VPS54: variants seen among roughly 807,000 people sequenced by gnomAD.
The protein encoded by VPS54 is VPS54 subunit of GARP complex.
VPS54 carries 45 observed loss-of-function variants against 121.5 expected under a neutral mutation model. The observed-to-expected ratio is 0.37, with a 90% confidence interval of 0.29 to 0.47. VPS54 has a LOEUF of 0.47. VPS54 is among the 20% of genes least tolerant of loss of function. The probability of loss-of-function intolerance (pLI) is 0.99; values close to 1 mark genes in which losing one functional copy is unlikely to be tolerated. For missense variants in VPS54, 1,090 were observed against 1,131.4 expected (o/e 0.96, Z 0.52); for synonymous variants, 371 against 385.8 (o/e 0.96, Z 0.45).
At chr2:64,013,649 T>TAG (rs1491197444) in intron 1 of VPS54, among the ~76,000 whole-genome samples, 1 of 145,514 alleles carries the variant, frequency 6.9e-6, no homozygotes, top group South Asian at 2.1e-4. Context: ...TATCAATATA[T>TAG]AGATATATAT....
intron 7 of VPS54, among the ~76,000 whole-genome samples, chr2:63,949,944 T>C (rs190960994): frequency 2.0e-5 from 3 of 152,344 alleles, no homozygotes; most frequent in East Asian, 3.9e-4. Context: ...GATTGTCTAA[T>C]GTCATCTTGT....
intron 9 of VPS54, among the ~76,000 whole-genome samples, chr2:63,945,290 A>C (rs1674925450): frequency 7.2e-5 from 11 of 152,218 alleles, no homozygotes; most frequent in Admixed American, 7.2e-4. Flanking sequence ...TAACACAGAA[A>C]CTGAAAACCA....
chr2:63,950,568 T>G (rs910099529), intron 7 of VPS54, among the ~76,000 whole-genome samples: 2 of 152,180 alleles, frequency 1.3e-5, no homozygotes, highest in Non-Finnish European at 2.9e-5. Context: ...GAAAAAGGGT[T>G]CTCATCCAGG....
chr2:64,007,197 T>TA (rs1271382236), intron 1 of VPS54, among the ~76,000 whole-genome samples: 1 of 151,864 alleles, frequency 6.6e-6, no homozygotes, highest in African/African-American at 2.4e-5. Flanking sequence ...CTAAAGGGGG[T>TA]AAAAAGAATA....
At position 63,962,096 on chromosome 2, in the gene VPS54, C is replaced by G. The variant is rs775388273; in HGVS notation, c.972G>C (p.Glu324Asp). 6.3e-7 allele frequency: 1 copy of G among 1,594,744 alleles called. No homozygotes were observed. The highest frequency in any genetic ancestry group is 8.6e-7 in the Non-Finnish European group (1 of 1,164,474). The change falls in exon 7 of 23, where the codon GAG becomes GAC. Residue 324 changes from glutamate (E) to aspartate (D), a missense_variant. By Grantham distance (45) the Glu-to-Asp change is conservative. Transcript: ENST00000272322. ...TGCCCTGAAGTTCCTGCTGTAGAAC[C>G]TCTTGTGTTGTTGCTATTAAGTCCA... ...GALDLIATTQ[E>D]VLQQELQGIH...
At chr2:63,967,700 C>CAG (rs901068443) in intron 5 of VPS54, among the ~76,000 whole-genome samples, 1 of 50,812 alleles carries the variant, frequency 2.0e-5, no homozygotes, top group East Asian at 2.6e-4. Context: ...GCCTGGGCGA[C>CAG]AGAGAGAGAC....
intron 1 of VPS54, among the ~76,000 whole-genome samples, chr2:64,009,347 G>A (rs377155847): frequency 4.6e-4 from 70 of 151,860 alleles, no homozygotes; most frequent in Non-Finnish European, 7.9e-4. Context: ...ATGGAGTCTC[G>A]CTGTGTCGCC....
intron 13 of VPS54, among the ~76,000 whole-genome samples, chr2:63,920,923 T>G (rs1292142984): frequency 1.3e-5 from 2 of 152,110 alleles, no homozygotes; most frequent in Non-Finnish European, 2.9e-5. Context: ...TATATAGACT[T>G]ACTATATATG....
intron 22 of VPS54, among the ~76,000 whole-genome samples, chr2:63,893,952 G>A (rs957670074): frequency 3.9e-5 from 6 of 152,156 alleles, no homozygotes; most frequent in Admixed American, 6.5e-5. Flanking sequence ...CATCTAAGGC[G>A]TTAAATACAG....
chr2:63,896,538 G>C (rs1286848034), intron 22 of VPS54, among the ~76,000 whole-genome samples: 1 of 152,098 alleles, frequency 6.6e-6, no homozygotes, highest in African/African-American at 2.4e-5. Flanking sequence ...TATCATTCTT[G>C]CATAAAACTC....
intron 7 of VPS54, among the ~76,000 whole-genome samples, chr2:63,957,064 T>C (rs1309475705): frequency 1.3e-5 from 2 of 152,216 alleles, no homozygotes; most frequent in Non-Finnish European, 2.9e-5. Flanking sequence ...TAAATTAGTA[T>C]ATAAATGATA....
intron 4 of VPS54, among the ~76,000 whole-genome samples, chr2:63,970,863 C>T (rs1317963783): frequency 1.3e-5 from 2 of 152,108 alleles, no homozygotes; most frequent in African/African-American, 2.4e-5. Context: ...TCTCACCCAA[C>T]GTCCTTGGAT....
chr2:63,920,063 G>A, intron 14 of VPS54, 68 bp from the exon 15 acceptor site: 1 of 1,337,920 alleles, frequency 7.5e-7, no homozygotes. Context: ...TGGTTTAAAA[G>A]AAAAGGAAGA....
At chr2:63,922,053 T>C (rs1281762615) in intron 12 of VPS54, among the ~76,000 whole-genome samples, 1 of 152,232 alleles carries the variant, frequency 6.6e-6, no homozygotes, top group Non-Finnish European at 1.5e-5. Flanking sequence ...AAATATTCAG[T>C]TCAACTGAAC....
chr2:63,928,147 C>T lies in VPS54; in HGVS notation c.1739+5526G>A, dbSNP rs188544716. On this transcript the variant is annotated intron_variant, in intron 12 of 22. Transcript: ENST00000272322. Reference sequence around the variant, plus strand: ...AGCAAGGCAGGCCAACATTCACATTCAGGAAATACAGAGAACACCACAAAG... The same window carrying T: ...AGCAAGGCAGGCCAACATTCACATTTAGGAAATACAGAGAACACCACAAAG... Among the ~76,000 whole-genome samples, 26 of 152,252 alleles carry T rather than the reference C, an allele frequency of 1.7e-4. 1 individual carries two copies. Among genetic ancestry groups the T allele is most frequent in the Admixed American group, 1.5e-3 (23 of 15,300 alleles).
At chr2:64,007,832 C>A (rs552023226) in intron 1 of VPS54, among the ~76,000 whole-genome samples, 1 of 151,996 alleles carries the variant, frequency 6.6e-6, no homozygotes, top group Non-Finnish European at 1.5e-5. Flanking sequence ...AAGTAAAGTG[C>A]GAACAGTAAG....
At chr2:64,007,940 A>C (rs1424097401) in intron 1 of VPS54, among the ~76,000 whole-genome samples, 1 of 152,146 alleles carries the variant, frequency 6.6e-6, no homozygotes, top group Non-Finnish European at 1.5e-5. Flanking sequence ...GGAAGAAGCA[A>C]TCCCACTGAG....
rs188834096 is a variant in VPS54 at position 63,981,396 on chromosome 2, G to A, written c.378+250C>T. On this transcript the variant is annotated intron_variant, in intron 3 of 22. Transcript: ENST00000272322. ...AGAATCATTTTCTCCTTGGTAAGCA[G>A]GGTAGGTTTCATGTTGAATCTTAGC... Among the ~76,000 whole-genome samples, 10 of 152,184 alleles carry A rather than the reference G, an allele frequency of 6.6e-5. No homozygotes were observed. The East Asian group carries it at 1.5e-3, about 23-fold the overall frequency.
At chr2:63,977,250 A>AG (rs1267456871) in intron 3 of VPS54, among the ~76,000 whole-genome samples, 6 of 152,122 alleles carry the variant, frequency 3.9e-5, no homozygotes, top group Non-Finnish European at 1.5e-5. Flanking sequence ...TTTCTGCTCT[A>AG]ATTTTTATTA....
Sources: gnomAD v4.1 joint callset for allele counts (sites outside exome capture counted in the v4.1 genomes callset) on GRCh38, gnomAD v4.1.1 for gene constraint, MANE v1.5 for transcripts, NCBI Gene and HGNC (gene_info 2026-07-23, HGNC 2026-07-21) for gene names.